Variants in LDLRAD4 observed in about 807,000 individuals in gnomAD.
The protein encoded by LDLRAD4 is low density lipoprotein receptor class A domain containing 4, also known as low-density lipoprotein receptor class A domain-containing protein 4.
In LDLRAD4, 5 loss-of-function variants were observed where a neutral mutation model predicts 17.0. The ratio of observed to expected loss-of-function variants is 0.29; its 90% CI spans 0.15 to 0.62. LDLRAD4 has a LOEUF of 0.62. Ranked by LOEUF, LDLRAD4 falls within the 20% of genes least tolerant of loss-of-function variation. LDLRAD4 has a pLI of 0.84. For missense variants in LDLRAD4, 340 were observed against 424.7 expected (o/e 0.80, Z 1.75); for synonymous variants, 168 against 171.8 (o/e 0.98, Z 0.17).
At chr18:13,259,332 G>A (rs1261274485) in intron 1 of LDLRAD4, among the ~76,000 whole-genome samples, 1 of 152,036 alleles carries the variant, frequency 6.6e-6, no homozygotes, top group Non-Finnish European at 1.5e-5. Flanking sequence ...ACACCACCAT[G>A]CCTGGCTAAT....
chr18:13,336,582 T>C (rs1226910212), intron 1 of LDLRAD4, among the ~76,000 whole-genome samples: 1 of 152,204 alleles, frequency 6.6e-6, no homozygotes, highest in Non-Finnish European at 1.5e-5. Flanking sequence ...GCTTTTCTAA[T>C]CCATTCCTCT....
chr18:13,644,761 G>GTC, intron 5 of LDLRAD4: 1 of 210,830 alleles, frequency 4.7e-6, no homozygotes, highest in Non-Finnish European at 9.4e-6. Context: ...TCCAAGTGCA[G>GTC]GCCGCAGTGC....
At chr18:13,373,130 TG>T (rs1248613123) in intron 1 of LDLRAD4, among the ~76,000 whole-genome samples, 1 of 149,366 alleles carries the variant, frequency 6.7e-6, no homozygotes, top group African/African-American at 2.5e-5. Context: ...CACACTCCTT[TG>T]GCATCCTCTA....
At chr18:13,583,379 C>T (rs1338016141) in intron 3 of LDLRAD4, among the ~76,000 whole-genome samples, 3 of 151,994 alleles carry the variant, frequency 2.0e-5, no homozygotes, top group African/African-American at 7.3e-5. Flanking sequence ...CTGATGGCCA[C>T]GTGTGTGGTG....
At chr18:13,557,490 TC>T (rs2094496193) in intron 3 of LDLRAD4, among the ~76,000 whole-genome samples, 1 of 152,142 alleles carries the variant, frequency 6.6e-6, no homozygotes, top group African/African-American at 2.4e-5. Flanking sequence ...AAGCTCCGCC[TC>T]CCAGGTTCAC....
intron 1 of LDLRAD4, among the ~76,000 whole-genome samples, chr18:13,324,641 C>G (rs943281870): frequency 1.1e-4 from 16 of 152,108 alleles, no homozygotes; most frequent in Non-Finnish European, 1.9e-4. Context: ...CTGGCGTGGG[C>G]TGCTGCTGAT....
At chr18:13,637,592 G>A (rs1263376901) in intron 4 of LDLRAD4, among the ~76,000 whole-genome samples, 5 of 152,248 alleles carry the variant, frequency 3.3e-5, no homozygotes, top group East Asian at 3.9e-4. Context: ...TAGGCTGGGC[G>A]TGGTGGCTCA....
At chr18:13,429,981 G>T (rs2146012740) in intron 2 of LDLRAD4, among the ~76,000 whole-genome samples, 1 of 152,306 alleles carries the variant, frequency 6.6e-6, no homozygotes, top group East Asian at 1.9e-4. Context: ...TGGGTCTCGG[G>T]GCGGTGGACT....
At chr18:13,427,286 G>A (rs1233981402) in intron 2 of LDLRAD4, 1 of 152,618 alleles carries the variant, frequency 6.6e-6, no homozygotes, top group Admixed American at 6.5e-5. Flanking sequence ...CATAAAGTTG[G>A]GAAGGATTCT....
chr18:13,594,295 T>C (rs2095064459), intron 3 of LDLRAD4, among the ~76,000 whole-genome samples: 1 of 152,158 alleles, frequency 6.6e-6, no homozygotes, highest in Non-Finnish European at 1.5e-5. Flanking sequence ...TGTCTGCCAC[T>C]GTAGGGATTC....
upstream of LDLRAD4, chr18:13,217,996 C>T (rs1484486705): frequency 6.6e-6 from 1 of 150,864 alleles, no homozygotes; most frequent in African/African-American, 2.4e-5. The surrounding 1 kb of genome is among the most constrained non-coding windows in gnomAD (Gnocchi z 4.9). Context: ...CGCCCCCTGC[C>T]GCGCCCCGCA....
intron 4 of LDLRAD4, among the ~76,000 whole-genome samples, chr18:13,625,468 A>G (rs2041050467): frequency 6.6e-6 from 1 of 152,058 alleles, no homozygotes; most frequent in African/African-American, 2.4e-5. Context: ...CAGGTTTTCC[A>G]CTTTGACCAC....
intron 5 of LDLRAD4, among the ~76,000 whole-genome samples, chr18:13,643,830 C>G (rs1433427113): frequency 2.6e-5 from 4 of 152,040 alleles, no homozygotes; most frequent in African/African-American, 9.7e-5. Context: ...TCTGTATGTA[C>G]GTGTGTAGAT....
intron 1 of LDLRAD4, among the ~76,000 whole-genome samples, chr18:13,384,973 C>G (rs2085682874): frequency 6.6e-6 from 1 of 152,002 alleles, no homozygotes; most frequent in Admixed American, 6.6e-5. Context: ...TTTTGACATA[C>G]CTATTTCAGT....
intron 1 of LDLRAD4, among the ~76,000 whole-genome samples, chr18:13,259,071 TC>T (rs900566438): frequency 1.3e-5 from 2 of 152,232 alleles, no homozygotes; most frequent in Non-Finnish European, 2.9e-5. Context: ...AAATGCTATT[TC>T]TGGCTGCTGC....
intron 1 of LDLRAD4, among the ~76,000 whole-genome samples, chr18:13,379,020 C>G (rs1354107009): frequency 6.6e-6 from 1 of 151,714 alleles, no homozygotes; most frequent in Non-Finnish European, 1.5e-5. Context: ...CTCATTAGAT[C>G]TAGGGTTTTG....
intron 3 of LDLRAD4, among the ~76,000 whole-genome samples, chr18:13,516,645 G>A (rs1027133690): frequency 6.6e-6 from 1 of 152,244 alleles, no homozygotes; most frequent in Non-Finnish European, 1.5e-5. Context: ...CAGTGTCTGA[G>A]AGCATCAGTG....
chr18:13,240,445 G>A (rs2042575331), intron 1 of LDLRAD4: 1 of 152,392 alleles, frequency 6.6e-6, no homozygotes, highest in Admixed American at 6.5e-5. Context: ...TGGGTTCTTT[G>A]GCCTGGGAGG....
At chr18:13,388,182 C>T (rs1015654530) in intron 2 of LDLRAD4, among the ~76,000 whole-genome samples, 1 of 152,130 alleles carries the variant, frequency 6.6e-6, no homozygotes, top group South Asian at 2.1e-4. Context: ...TTTAATTTCT[C>T]ACATTTATTT....
Sources: gnomAD v4.1 joint callset for allele counts (sites outside exome capture counted in the v4.1 genomes callset) on GRCh38, gnomAD v4.1.1 for gene constraint, Gnocchi (gnomAD v3.1) non-coding constraint, MANE v1.5 for transcripts, NCBI Gene and HGNC (gene_info 2026-07-23, HGNC 2026-07-21) for gene names.